Variants in PKIA observed in about 807,000 individuals in gnomAD.
PKIA encodes PKI-alpha.
A neutral mutation model predicts 7.6 loss-of-function variants in PKIA; 4 were observed. The ratio of observed to expected loss-of-function variants is 0.52; its 90% CI spans 0.26 to 1.20. PKIA has a LOEUF of 1.20. Ranked by LOEUF, PKIA falls within the 50% of genes most tolerant of loss-of-function variation. The probability of loss-of-function intolerance (pLI) is 0.13; values close to 1 mark genes in which losing one functional copy is unlikely to be tolerated. For synonymous variants in PKIA, 21 were observed against 30.7 expected (o/e 0.68, Z 1.04); for missense variants, 73 against 86.2 (o/e 0.85, Z 0.61).
chr8:78,598,321 C>A, intron 2 of PKIA, 37 bp from the exon 3 acceptor site: 1 of 1,290,928 alleles, frequency 7.7e-7, no homozygotes, highest in Non-Finnish European at 1.1e-6. Context: ...CATTGACTAC[C>A]ATTATATTCA....
intron 1 of PKIA, among the ~76,000 whole-genome samples, chr8:78,519,301 C>T (rs1444141303): frequency 2.0e-5 from 3 of 152,036 alleles, no homozygotes; most frequent in African/African-American, 7.3e-5. Context: ...GCATTACTGC[C>T]ATTAACTACA....
At chr8:78,555,729 G>A (rs1457688694) in intron 1 of PKIA, among the ~76,000 whole-genome samples, 1 of 152,010 alleles carries the variant, frequency 6.6e-6, no homozygotes, top group Non-Finnish European at 1.5e-5. Flanking sequence ...AGGAAAGTGA[G>A]TGTCAATGTG....
At chr8:78,582,508 C>T (rs1807837155) in intron 2 of PKIA, among the ~76,000 whole-genome samples, 1 of 151,972 alleles carries the variant, frequency 6.6e-6, no homozygotes, top group Admixed American at 6.6e-5. Flanking sequence ...GGGTCCCTCC[C>T]ACAACACGTG....
At position 78,525,971 on chromosome 8, in the gene PKIA, G is replaced by A. The variant is rs1809536938; in HGVS notation, c.-157+9503G>A. Among the ~76,000 whole-genome samples, 10 of 152,032 alleles carry A rather than the reference G, an allele frequency of 6.6e-5. 1 individual carries two copies. Among genetic ancestry groups the A allele is most frequent in the Admixed American group, 6.6e-4 (10 of 15,224 alleles). On this transcript the variant is annotated intron_variant, in intron 1 of 3. Transcript: ENST00000396418. ...ATATTTAAAACAGGAAAATCACCGA[G>A]TTGTGGTGAAGATGAAAGAAGATAA... is the stretch of plus-strand genomic sequence containing the variant.
intron 1 of PKIA, among the ~76,000 whole-genome samples, chr8:78,544,782 A>G (rs773014573): frequency 5.3e-5 from 8 of 152,204 alleles, no homozygotes; most frequent in Non-Finnish European, 1.2e-4. Flanking sequence ...ATTCAGATTC[A>G]CATTTTTATA....
chr8:78,518,436 T>G (rs906926159), intron 1 of PKIA, among the ~76,000 whole-genome samples: 1 of 152,210 alleles, frequency 6.6e-6, no homozygotes, highest in African/African-American at 2.4e-5. Flanking sequence ...TTAAAATACT[T>G]AACCATATAC....
intron 1 of PKIA, among the ~76,000 whole-genome samples, chr8:78,533,390 T>C (rs1373107682): frequency 6.6e-6 from 1 of 152,150 alleles, no homozygotes; most frequent in Non-Finnish European, 1.5e-5. Flanking sequence ...GTACTTAAAA[T>C]AGATATAGAT....
rs539068887 is a variant in PKIA at position 78,548,856 on chromosome 8, G to T, written c.-156-23955G>T. Among the ~76,000 whole-genome samples, 38 of 152,076 alleles carry T rather than the reference G, an allele frequency of 2.5e-4. No homozygotes were observed. In the South Asian group the frequency reaches 7.7e-3, roughly 31 times the overall value. ...ATCTACAATATATGATGAAATAAAA[G>T]ATATAATTATAAAATATCATACTAT... is the stretch of plus-strand genomic sequence containing the variant. On this transcript the variant is annotated intron_variant, in intron 1 of 3. Transcript: ENST00000396418.
At chr8:78,565,457 T>C (rs538563436) in intron 1 of PKIA, among the ~76,000 whole-genome samples, 16 of 152,120 alleles carry the variant, frequency 1.1e-4, no homozygotes, top group Admixed American at 6.6e-4. Context: ...ATAAGGATTT[T>C]ATATAAGTGT....
Position 78,601,782 on chromosome 8 carries a change from TG to T in PKIA, c.196del (p.Glu66LysfsTer16). The T allele has an allele frequency of 6.2e-7, 1 of 1,612,456 alleles. No individual in the cohort carries two copies. The highest frequency in any genetic ancestry group is 8.5e-7 in the Non-Finnish European group (1 of 1,178,972). On this transcript the variant is annotated frameshift_variant, in exon 4 of 4. Coordinates refer to ENST00000396418, the MANE Select transcript of PKIA (RefSeq NM_006823.4). LOFTEE classifies it high-confidence loss of function. ...DAQRSSTEQS[G>X]EAQGEAAKSE... ...CACAACGAAGTTCTACAGAACAAAG[TG>T]GGGAAGCCCAGGGAGAAGCAGCAAA...
intron 1 of PKIA, chr8:78,535,092 AGAAAGCACTGTTT>A (rs1351099888): frequency 2.0e-5 from 3 of 152,196 alleles, no homozygotes; most frequent in Non-Finnish European, 4.4e-5. Context: ...ATGTTAGGAC[AGAAAGCACTGTTT>A]AAATGTAAAG....
At chr8:78,537,837 A>T (rs1028661657) in intron 1 of PKIA, among the ~76,000 whole-genome samples, 1 of 152,038 alleles carries the variant, frequency 6.6e-6, no homozygotes, top group African/African-American at 2.4e-5. Context: ...TCTGCTGCAG[A>T]CATACTTATC....
At chr8:78,521,135 C>T (rs967870212) in intron 1 of PKIA, among the ~76,000 whole-genome samples, 8 of 152,084 alleles carry the variant, frequency 5.3e-5, no homozygotes, top group Non-Finnish European at 1.0e-4. Flanking sequence ...AGAAACTGTT[C>T]TCAGACTTAA....
intron 1 of PKIA, among the ~76,000 whole-genome samples, chr8:78,549,726 C>CAAAAAAAA (rs10708020): frequency 8.1e-6 from 1 of 123,220 alleles, no homozygotes; most frequent in Non-Finnish European, 1.8e-5. Flanking sequence ...ACTGAAATAC[C>CAAAAAAAA]AAAAAAAAAA....
At chr8:78,519,179 TAA>T (rs368638245) in intron 1 of PKIA, among the ~76,000 whole-genome samples, 21 of 134,900 alleles carry the variant, frequency 1.6e-4, no homozygotes, top group Non-Finnish European at 1.1e-4. Flanking sequence ...TCCAATTGTG[TAA>T]AAAAAAAAAA....
At chr8:78,572,489 T>TA (rs1391773876) in intron 1 of PKIA, among the ~76,000 whole-genome samples, 1 of 150,318 alleles carries the variant, frequency 6.7e-6, no homozygotes, top group Admixed American at 6.7e-5. Flanking sequence ...AATCACTGAC[T>TA]AGTAGTCAAC....
At chr8:78,528,132 A>AAAT (rs930303611) in intron 1 of PKIA, among the ~76,000 whole-genome samples, 2 of 152,096 alleles carry the variant, frequency 1.3e-5, no homozygotes, top group African/African-American at 4.8e-5. Context: ...AACTGCAGTT[A>AAAT]AATAGCCCCA....
intron 1 of PKIA, among the ~76,000 whole-genome samples, chr8:78,553,678 A>C (rs1807046873): frequency 6.6e-6 from 1 of 151,476 alleles, no homozygotes; most frequent in African/African-American, 2.4e-5. Context: ...GTGCAGATGC[A>C]GACAGATGTA....
chr8:78,559,919 C>G (rs566259717), intron 1 of PKIA, among the ~76,000 whole-genome samples: 1 of 152,282 alleles, frequency 6.6e-6, no homozygotes, highest in South Asian at 2.1e-4. Context: ...GATCATCTGA[C>G]TCTACATTCT....
Sources: allele counts gnomAD v4.1 joint callset (sites outside exome capture counted in the v4.1 genomes callset), GRCh38; gene constraint gnomAD v4.1.1; transcripts MANE v1.5; gene names NCBI Gene and HGNC (gene_info 2026-07-23, HGNC 2026-07-21).